COL4A1: variants seen among roughly 807,000 people sequenced by gnomAD.
COL4A1 encodes the protein collagen alpha-1(IV) chain.
In COL4A1, 40 loss-of-function variants were observed where a neutral mutation model predicts 216.6. That is an observed-to-expected ratio of 0.18 (90% CI 0.14 to 0.24). COL4A1 has a LOEUF of 0.24. COL4A1 is among the 10% of genes least tolerant of loss of function. The pLI is 1.00. For missense variants in COL4A1, 1,628 were observed against 2,196.8 expected, an observed-to-expected ratio of 0.74 and a Z score of 5.18; for synonymous variants, 839 against 810.7, an observed-to-expected ratio of 1.03 and a Z score of -0.59.
chr13:110,238,929 G>A (rs1277315512), intron 2 of COL4A1, among the ~76,000 whole-genome samples: 2 of 152,120 alleles, frequency 1.3e-5, no homozygotes, highest in Non-Finnish European at 2.9e-5. Flanking sequence ...TTCTGTGAAG[G>A]CAAGCATTCA....
intron 19 of COL4A1, 52 bp downstream of exon 19, chr13:110,201,386 A>AGGAGAGAAGGAGGG: frequency 8.7e-7 from 1 of 1,147,860 alleles, no homozygotes; most frequent in Non-Finnish European, 1.2e-6. Context: ...GAAGAGGAGG[A>AGGAGAGAAGGAGGG]GGAGAGAAGG....
intron 24 of COL4A1, among the ~76,000 whole-genome samples, chr13:110,187,697 T>C (rs1204144041): frequency 6.6e-6 from 1 of 152,162 alleles, no homozygotes; most frequent in African/African-American, 2.4e-5. Context: ...CTGATTGATG[T>C]GTGGTTCATT....
intron 21 of COL4A1, 92 bp from the exon 22 acceptor site, chr13:110,195,210 G>A (rs2139183208): frequency 9.8e-7 from 1 of 1,019,404 alleles, no homozygotes. Flanking sequence ...AATATTTTAG[G>A]CTATTTGACA....
chr13:110,292,918 T>TC lies in COL4A1; in HGVS notation c.84+14025dup, dbSNP rs575058032. Among the ~76,000 whole-genome samples, 375 of 152,318 alleles carry TC rather than the reference T, an allele frequency of 2.5e-3. 2 individuals carry two copies. The highest frequency in any genetic ancestry group is 8.6e-3 in the African/African-American group (357 of 41,564). Reference sequence around the variant, plus strand: ...GCATACAAAGGCAACTGCCAGGTAATCTGTGTCACTTAACAGCCAAAGATA... The same window carrying TC: ...GCATACAAAGGCAACTGCCAGGTAATCCTGTGTCACTTAACAGCCAAAGATA... On this transcript the variant is annotated intron_variant, in intron 1 of 51. Coordinates refer to ENST00000375820, the MANE Select transcript of COL4A1 (RefSeq NM_001845.6).
chr13:110,270,008 T>G (rs1201401854), intron 1 of COL4A1, among the ~76,000 whole-genome samples: 1 of 152,090 alleles, frequency 6.6e-6, no homozygotes, highest in African/African-American at 2.4e-5. Context: ...GGTAACGGAC[T>G]AGAGCGTTCT....
intron 1 of COL4A1, among the ~76,000 whole-genome samples, chr13:110,276,363 C>T (rs1415570533): frequency 1.3e-5 from 2 of 152,156 alleles, no homozygotes; most frequent in Admixed American, 6.5e-5. Flanking sequence ...CCTTCCAGCA[C>T]TGGTTCAATA....
At chr13:110,212,201 T>C (rs565038494) in intron 6 of COL4A1, among the ~76,000 whole-genome samples, 3 of 152,298 alleles carry the variant, frequency 2.0e-5, no homozygotes, top group African/African-American at 7.2e-5. Flanking sequence ...AATTTTAGGA[T>C]AAAAGTCTAC....
At chr13:110,198,326 A>G in intron 21 of COL4A1, 141 bp downstream of exon 21, 2 of 850,994 alleles carry the variant, frequency 2.4e-6, no homozygotes, top group South Asian at 3.3e-5. Context: ...ATTCCCTTAG[A>G]GGAATATGGA....
rs1878247031 is a variant in COL4A1, at chr13:110,183,057, C to A, written c.2031G>T (p.Leu677=). The change falls in exon 28 of 52, where the codon CTG becomes CTT. Residue 677 remains leucine, a synonymous_variant. Transcript: ENST00000375820. The part of the protein sequence containing the change: ...GFPGTPGRPG[L]PGEKGAVGQP... ...GGCCCACAGCGCCCTTCTCTCCTGG[C>A]AGGCCTGGCCTTCCTGGGGTTCCGG... The A allele has an allele frequency of 3.1e-6, 5 of 1,613,208 alleles. No individual in the cohort carries two copies. The African/African-American group carries it at 6.7e-5, about 22-fold the overall frequency.
chr13:110,166,508 T>C (rs1440759652), intron 44 of COL4A1, among the ~76,000 whole-genome samples: 1 of 152,192 alleles, frequency 6.6e-6, no homozygotes, highest in Non-Finnish European at 1.5e-5. Flanking sequence ...TACACATACA[T>C]ATACACACAT....
Position 110,150,290 on chromosome 13 carries a change from C to G in COL4A1, c.*73G>C. ...ACAGTGAGGTACACAGGATATATTTCTAGGGTTCGTTGCTGTTAACAAAAA... is the reference window on the plus strand; with the variant it reads ...ACAGTGAGGTACACAGGATATATTTGTAGGGTTCGTTGCTGTTAACAAAAA... On this transcript the variant is annotated 3_prime_UTR_variant, in exon 52 of 52. Coordinates refer to ENST00000375820, the MANE Select transcript of COL4A1 (RefSeq NM_001845.6). The G allele has an allele frequency of 7.2e-7, 1 of 1,391,852 alleles. No homozygotes were observed. The highest frequency in any genetic ancestry group is 1.2e-5 in the South Asian group (1 of 81,712). The allele number at this position is 1,391,852 out of a possible 1,614,324, so 86.2% of individuals were successfully genotyped here. A position where few individuals can be genotyped will look rare whatever the true frequency, so the allele number is the denominator to read the frequency against.
intron 1 of COL4A1, among the ~76,000 whole-genome samples, chr13:110,252,486 C>T (rs796067483): frequency 2.5e-5 from 1 of 39,754 alleles, no homozygotes; most frequent in African/African-American, 9.7e-5. Flanking sequence ...ATTATATATA[C>T]GTATAATTAT....
Position 110,166,252 on chromosome 13 carries a change from T to C in COL4A1, c.4001A>G (p.Gln1334Arg), listed in dbSNP as rs763853070. The change falls in exon 45 of 52, where the codon CAA becomes CGA. Residue 1334 changes from glutamine to arginine, a missense_variant. Physicochemically the swap from Gln to Arg is conservative, Grantham distance 43. Around this residue, in one of 8 missense-constraint regions of COL4A1, gnomAD observed 345 missense variants for 476.9 expected, o/e 0.72. Transcript: ENST00000375820. ...LQGIKGDQGDQGVPGAKGLPG... is the reference protein window; with the variant it reads ...LQGIKGDQGDRGVPGAKGLPG... ...CCTACCTTTAGCTCCCGGGACGCCTTGATCGCCTTGATCACCTTTAATTCC... is the reference window on the plus strand; with the variant it reads ...CCTACCTTTAGCTCCCGGGACGCCTCGATCGCCTTGATCACCTTTAATTCC... 7.1e-5 allele frequency: 115 copies of C among 1,611,194 alleles called. No homozygotes were observed. Among genetic ancestry groups the C allele is most frequent in the Non-Finnish European group, 9.5e-5 (112 of 1,177,386 alleles).
At chr13:110,237,904 C>T (rs906111421) in intron 2 of COL4A1, among the ~76,000 whole-genome samples, 14 of 152,228 alleles carry the variant, frequency 9.2e-5, no homozygotes, top group Non-Finnish European at 1.3e-4. Context: ...CAGCCATACA[C>T]GACATTAAAC....
chr13:110,173,047 T>A (rs533507220), intron 40 of COL4A1, among the ~76,000 whole-genome samples: 3 of 152,218 alleles, frequency 2.0e-5, no homozygotes, highest in Non-Finnish European at 4.4e-5. Flanking sequence ...ATTTGTTTCC[T>A]GCTGCCGTCT....
In COL4A1 at chr13:110,170,693, C is replaced by A; in HGVS notation, c.3596G>T (p.Ser1199Ile). 6.2e-7 allele frequency: 1 copy of A among 1,614,208 alleles called. No homozygotes were observed. Residue 1199 changes from serine to isoleucine, a missense_variant, in exon 42 of 52, where the codon AGC becomes ATC. Around this residue, in one of 8 missense-constraint regions of COL4A1, gnomAD observed 345 missense variants for 476.9 expected, o/e 0.72. Transcript: ENST00000375820. ...TCCTTTGGATCCAGGAATTCCTGGG[C>A]TCCCGGCTAATCCTGGGAAACCCAC... ...GEVGFPGLAG[S>I]PGIPGSKGEQ... is the part of the protein sequence containing the mutation.
Position 110,161,373 on chromosome 13 carries a change from G to C in COL4A1, c.4463-4C>G, listed in dbSNP as rs933695524. 6.2e-7 allele frequency: 1 copy of C among 1,606,894 alleles called. No homozygotes were observed. On this transcript the variant is annotated splice_region_variant and splice_polypyrimidine_tract_variant and intron_variant, in intron 48 of 51. Coordinates refer to ENST00000375820, the MANE Select transcript of COL4A1 (RefSeq NM_001845.6). ...CGCAGGCAGCTGCCGGCCGTGCCTA[G>C]ACAAGGAAGAAGACAATGTGAGATG...
chr13:110,258,280 G>A (rs1882666045), intron 1 of COL4A1, among the ~76,000 whole-genome samples: 1 of 152,234 alleles, frequency 6.6e-6, no homozygotes, highest in African/African-American at 2.4e-5. Context: ...GCTCATGCCT[G>A]TAATCCCAGC....
At chr13:110,186,748 G>A (rs1878424136) in intron 25 of COL4A1, among the ~76,000 whole-genome samples, 195 bp from the exon 26 acceptor site, 1 of 152,158 alleles carries the variant, frequency 6.6e-6, no homozygotes, top group African/African-American at 2.4e-5. Flanking sequence ...CCTAAGCTGA[G>A]CATTCTTCCT....
Sources: gnomAD v4.1 joint callset for allele counts (sites outside exome capture counted in the v4.1 genomes callset) on GRCh38, gnomAD v4.1.1 for gene constraint, gnomAD v4.1.1 regional missense constraint, MANE v1.5 for transcripts, NCBI Gene and HGNC (gene_info 2026-07-23, HGNC 2026-07-21) for gene names.